Variants in MAGI2 observed in about 807,000 individuals in gnomAD.
The protein encoded by MAGI2 is membrane associated guanylate kinase, WW and PDZ domain containing 2.
A neutral mutation model predicts 133.3 loss-of-function variants in MAGI2; 35 were observed. The observed-to-expected ratio is 0.26, with a 90% CI of 0.20 to 0.35. MAGI2 has a LOEUF of 0.35. Ranked by LOEUF, MAGI2 falls within the 10% of genes least tolerant of loss-of-function variation. The pLI is 1.00. For synonymous variants in MAGI2, 729 were observed against 710.6 expected (o/e 1.03, Z -0.41); for missense variants, 1,636 against 1,863.4 (o/e 0.88, Z 2.25).
intron 9 of MAGI2, among the ~76,000 whole-genome samples, chr7:78,340,986 G>A (rs142605347): frequency 4.5e-4 from 69 of 152,186 alleles, no homozygotes; most frequent in East Asian, 3.3e-3. Flanking sequence ...GAAATAAAGC[G>A]CATTCAAATA....
chr7:78,847,609 A>G (rs979110135), intron 2 of MAGI2, among the ~76,000 whole-genome samples: 2 of 152,058 alleles, frequency 1.3e-5, no homozygotes, highest in Non-Finnish European at 2.9e-5. Context: ...TTTATTTTGC[A>G]TAGTAGAGTT....
At chr7:79,191,525 C>T (rs1262571295) in intron 1 of MAGI2, among the ~76,000 whole-genome samples, 3 of 145,674 alleles carry the variant, frequency 2.1e-5, no homozygotes, top group East Asian at 4.3e-4. Context: ...TCAAGTGATC[C>T]TCCTGCCTCA....
At chr7:79,187,911 A>G (rs78574559) in intron 1 of MAGI2, among the ~76,000 whole-genome samples, 2 of 151,862 alleles carry the variant, frequency 1.3e-5, no homozygotes, top group Non-Finnish European at 2.9e-5. Flanking sequence ...TGCAAAAAAA[A>G]TTGTATGTTT....
chr7:78,875,454 A>G (rs1042004852), intron 2 of MAGI2, among the ~76,000 whole-genome samples: 5 of 152,340 alleles, frequency 3.3e-5, no homozygotes, highest in African/African-American at 7.2e-5. Context: ...ACAGGCTCAG[A>G]AGACCCTCAG....
intron 4 of MAGI2, among the ~76,000 whole-genome samples, chr7:78,515,193 CT>C (rs1795936349): frequency 6.6e-6 from 1 of 152,166 alleles, no homozygotes. Flanking sequence ...CCTAATTACT[CT>C]GGTTTACATG....
At position 78,019,654 on chromosome 7, in the gene MAGI2, G is replaced by A. The variant is rs1179058008; in HGVS notation, c.4029C>T (p.Pro1343=). Residue 1343 remains proline, a synonymous_variant, in exon 22 of 22, where the codon CCC becomes CCT. Coordinates refer to ENST00000354212, the MANE Select transcript of MAGI2 (RefSeq NM_012301.4). ...GCCCGGGCGCCCTGGCCTCCGAGGC[G>A]GGCCTGCCGGCCTCGGGCCGCCCCT... ...GGQGRPEAGR[P]ASEARAPGLA... 6.8e-6 allele frequency: 8 copies of A among 1,170,902 alleles called. No homozygotes were observed. Among genetic ancestry groups the A allele is most frequent in the South Asian group, 3.8e-5 (1 of 26,046 alleles). The allele number at this position is 1,170,902 out of a possible 1,614,324, so 72.5% of individuals were successfully genotyped here. A position where few individuals can be genotyped will look rare whatever the true frequency, so the allele number is the denominator to read the frequency against.
intron 2 of MAGI2, among the ~76,000 whole-genome samples, chr7:78,805,376 C>T (rs1383651692): frequency 6.6e-6 from 1 of 151,944 alleles, no homozygotes; most frequent in Non-Finnish European, 1.5e-5. Flanking sequence ...TGTTCTCTAC[C>T]CTTCCTGATT....
At chr7:78,822,129 T>A (rs1790179772) in intron 2 of MAGI2, among the ~76,000 whole-genome samples, 1 of 152,050 alleles carries the variant, frequency 6.6e-6, no homozygotes, top group African/African-American at 2.4e-5. Context: ...AACAAAAGAT[T>A]TAAAAAGATC....
At chr7:79,194,856 A>G (rs1334085502) in intron 1 of MAGI2, among the ~76,000 whole-genome samples, 1 of 151,898 alleles carries the variant, frequency 6.6e-6, no homozygotes, top group Admixed American at 6.6e-5. Context: ...ATGAAAATTA[A>G]TAGAGAGAAT....
chr7:79,153,218 A>T (rs1823436245), intron 1 of MAGI2, among the ~76,000 whole-genome samples: 1 of 152,070 alleles, frequency 6.6e-6, no homozygotes, highest in African/African-American at 2.4e-5. Flanking sequence ...AGTTCTTCTA[A>T]ATTTAGTCAG....
intron 1 of MAGI2, among the ~76,000 whole-genome samples, chr7:79,334,056 C>T (rs146802017): frequency 6.6e-6 from 1 of 152,060 alleles, no homozygotes; most frequent in East Asian, 1.9e-4. Flanking sequence ...ACCCAGCAAC[C>T]CATCCGTGTC....
intron 3 of MAGI2, among the ~76,000 whole-genome samples, chr7:78,525,391 G>C (rs953258659): frequency 1.4e-5 from 2 of 148,032 alleles, no homozygotes; most frequent in Non-Finnish European, 3.0e-5. Flanking sequence ...TAGCCAAGCA[G>C]TCAGGCAGCT....
chr7:79,426,625 C>T (rs1240901406), intron 1 of MAGI2, among the ~76,000 whole-genome samples: 1 of 152,128 alleles, frequency 6.6e-6, no homozygotes, highest in Non-Finnish European at 1.5e-5. Context: ...CATCAAAGAA[C>T]ATTGGGCATT....
chr7:78,338,541 G>C (rs75904522), intron 9 of MAGI2, among the ~76,000 whole-genome samples: 1,801 of 152,156 alleles, frequency 0.012, 34 homozygotes, highest in African/African-American at 0.041. Flanking sequence ...AGAAACATTT[G>C]TCTCATTTTT....
At chr7:79,242,035 C>A (rs372376805) in intron 1 of MAGI2, among the ~76,000 whole-genome samples, 1 of 152,140 alleles carries the variant, frequency 6.6e-6, no homozygotes, top group South Asian at 2.1e-4. Context: ...ACTCCATCTA[C>A]CACTTGGCTA....
chr7:78,763,392 CTTTTCACG>C (rs1824708238), intron 2 of MAGI2, among the ~76,000 whole-genome samples: 2 of 152,126 alleles, frequency 1.3e-5, no homozygotes, highest in Non-Finnish European at 2.9e-5. Flanking sequence ...ATCCCAGCTT[CTTTTCACG>C]TTTTCACTTT....
intron 2 of MAGI2, among the ~76,000 whole-genome samples, chr7:78,778,595 G>A (rs1336266416): frequency 6.6e-6 from 1 of 152,070 alleles, no homozygotes. Context: ...TCCCCATAAA[G>A]TCCAATTTCA....
At chr7:78,204,188 A>C (rs181388062) in intron 10 of MAGI2, among the ~76,000 whole-genome samples, 1 of 152,348 alleles carries the variant, frequency 6.6e-6, no homozygotes, top group East Asian at 1.9e-4. Context: ...TCTAATAATA[A>C]TTATGGAATA....
Position 79,074,731 on chromosome 7 carries a change from A to C in MAGI2, c.302-67525T>G, listed in dbSNP as rs184078688. On this transcript the variant is annotated intron_variant, in intron 1 of 21. Transcript: ENST00000354212. The stretch of plus-strand genomic sequence containing the variant: ...ACATTACACACTTTCTGATCAATAC[A>C]TGTTGTCGGAAAGTCAAACATGCAT... Among the ~76,000 whole-genome samples, 17 of 152,340 alleles carry C rather than the reference A, an allele frequency of 1.1e-4. No individual in the cohort carries two copies. In the East Asian group the frequency reaches 2.5e-3, roughly 22 times the overall value.
Sources: allele counts gnomAD v4.1 joint callset (sites outside exome capture counted in the v4.1 genomes callset), GRCh38; gene constraint gnomAD v4.1.1; transcripts MANE v1.5; gene names NCBI Gene and HGNC (gene_info 2026-07-23, HGNC 2026-07-21).